The following OTOGL variants were observed in gnomAD, a reference collection of about 807,000 sequenced individuals.
The protein encoded by OTOGL is otogelin like.
Under a neutral mutation model 318.5 loss-of-function variants are expected in OTOGL, and 285 were observed. That is an observed-to-expected ratio of 0.89 (90% confidence interval 0.81 to 0.99). The LOEUF is 0.99. Ranked by LOEUF, OTOGL falls within the 50% of genes least tolerant of loss-of-function variation. OTOGL has a pLI of 0.00. For missense variants in OTOGL, 2,899 were observed against 2,845.6 expected, an observed-to-expected ratio of 1.02 and a Z score of -0.43; for synonymous variants, 987 against 936.5, an observed-to-expected ratio of 1.05 and a Z score of -0.99.
intron 56 of OTOGL, 53 bp downstream of exon 56, chr12:80,370,742 A>G (rs1387849720): frequency 2.3e-6 from 3 of 1,316,302 alleles, no homozygotes; most frequent in African/African-American, 1.5e-5. Context: ...TTTAGAAAAT[A>G]CACATTGATA....
intron 1 of OTOGL, among the ~76,000 whole-genome samples, chr12:80,200,887 G>A (rs939662907): frequency 2.6e-5 from 4 of 152,126 alleles, no homozygotes; most frequent in Non-Finnish European, 4.4e-5. Flanking sequence ...AAATGGCAGT[G>A]GTATGAATGA....
intron 43 of OTOGL, among the ~76,000 whole-genome samples, chr12:80,341,231 C>T (rs1344854346): frequency 6.6e-6 from 1 of 152,074 alleles, no homozygotes; most frequent in Non-Finnish European, 1.5e-5. Context: ...TGGCTTTTCT[C>T]AAGGTAAATA....
At position 80,137,989 on chromosome 12, in the gene OTOGL, T is replaced by C. The variant is rs1168832473; in HGVS notation, c.-20+38384T>C. ...ATAGACTTAACAGAAAAATTAAGAT[T>C]ACTGTATGTTCTGATGTTAGTACAA... On this transcript the variant is annotated intron_variant, in intron 1 of 58. Coordinates refer to ENST00000547103, the MANE Select transcript of OTOGL (RefSeq NM_001378609.3). 2.6e-5 allele frequency among the ~76,000 whole-genome samples: 4 copies of C among 152,324 alleles called. No homozygotes were observed. In the South Asian group the frequency reaches 8.3e-4, roughly 32 times the overall value.
intron 1 of OTOGL, among the ~76,000 whole-genome samples, chr12:80,140,063 A>T (rs1423781870): frequency 6.6e-6 from 1 of 152,136 alleles, no homozygotes; most frequent in Non-Finnish European, 1.5e-5. Context: ...CTCTTGTTAC[A>T]TTCAACAAAT....
At chr12:80,307,898 G>A (rs1473518681) in intron 29 of OTOGL, among the ~76,000 whole-genome samples, 6 of 135,598 alleles carry the variant, frequency 4.4e-5, no homozygotes, top group South Asian at 2.2e-4. Flanking sequence ...CCTCCCGGAC[G>A]GGGCGGCTGG....
At chr12:80,260,729 C>G (rs1389347524) in intron 18 of OTOGL, among the ~76,000 whole-genome samples, 1 of 152,068 alleles carries the variant, frequency 6.6e-6, no homozygotes, top group Non-Finnish European at 1.5e-5. Flanking sequence ...CACATTTTAG[C>G]TCTATTTTTA....
In OTOGL at chr12:80,358,709, TG is replaced by T; in HGVS notation, c.6161del (p.Cys2054LeufsTer5). On this transcript the variant is annotated frameshift_variant, in exon 51 of 59. Coordinates refer to ENST00000547103, the MANE Select transcript of OTOGL (RefSeq NM_001378609.3). LOFTEE classifies it high-confidence loss of function. ...CCTTTGTCCTATGCCATTACTCAAC[TG>T]TGCAGAAGATATGAATCTTGTGAAA... Reference protein sequence around the residue: ...PNLCPMPLLNCAEDMNLVKEN... With the variant: ...PNLCPMPLLNXAEDMNLVKEN... The T allele has an allele frequency of 6.2e-7, 1 of 1,613,258 alleles. No individual in the cohort carries two copies. The highest frequency in any genetic ancestry group is 8.5e-7 in the Non-Finnish European group (1 of 1,179,456).
chr12:80,257,448 A>G (rs1882154618), intron 17 of OTOGL, among the ~76,000 whole-genome samples: 2 of 152,042 alleles, frequency 1.3e-5, no homozygotes, highest in South Asian at 4.1e-4. Context: ...TAAGGCAGTG[A>G]TGATAGAGAT....
intron 4 of OTOGL, 100 bp from the exon 5 acceptor site, chr12:80,217,498 A>G: frequency 1.2e-6 from 1 of 803,884 alleles, no homozygotes; most frequent in Non-Finnish European, 2.0e-6. Flanking sequence ...GCACTTTATC[A>G]TTTCTGTATT....
chr12:80,175,527 A>G (rs902479707), intron 1 of OTOGL, among the ~76,000 whole-genome samples: 8 of 152,190 alleles, frequency 5.3e-5, no homozygotes, highest in African/African-American at 1.9e-4. Context: ...CAGAGCATAA[A>G]AGGAATAAGC....
intron 1 of OTOGL, among the ~76,000 whole-genome samples, chr12:80,106,470 CT>C: frequency 6.6e-6 from 1 of 152,274 alleles, no homozygotes; most frequent in East Asian, 1.9e-4. Flanking sequence ...TCCTGTTCCT[CT>C]TTTTTTCTTG....
At chr12:80,234,912 GA>G (rs779701704) in intron 9 of OTOGL, among the ~76,000 whole-genome samples, 1 of 152,132 alleles carries the variant, frequency 6.6e-6, no homozygotes, top group Non-Finnish European at 1.5e-5. Flanking sequence ...AAATGTAAAT[GA>G]AAGTGTTTAA....
chr12:80,150,016 G>C (rs1198294720), intron 1 of OTOGL, among the ~76,000 whole-genome samples: 1 of 152,194 alleles, frequency 6.6e-6, no homozygotes, highest in Non-Finnish European at 1.5e-5. Flanking sequence ...CCCATCTTCT[G>C]CGTCGCTCAC....
At chr12:80,358,565 A>C in intron 50 of OTOGL, 106 bp from the exon 51 acceptor site, 1 of 968,676 alleles carries the variant, frequency 1.0e-6, no homozygotes, top group Non-Finnish European at 1.5e-6. Flanking sequence ...AGCACTTGGG[A>C]AATATGAATC....
chr12:80,311,882 T>A (rs928292265), intron 30 of OTOGL, among the ~76,000 whole-genome samples: 1 of 152,204 alleles, frequency 6.6e-6, no homozygotes, highest in Non-Finnish European at 1.5e-5. Context: ...TTGATCTAGA[T>A]GGTGATATTA....
intron 46 of OTOGL, among the ~76,000 whole-genome samples, chr12:80,355,014 C>G (rs373901708): frequency 6.6e-6 from 1 of 152,006 alleles, no homozygotes; most frequent in African/African-American, 2.4e-5. Flanking sequence ...CTTGTTTTCT[C>G]ATCCCACTCA....
intron 29 of OTOGL, among the ~76,000 whole-genome samples, chr12:80,308,953 C>A (rs530394348): frequency 1.3e-5 from 2 of 149,900 alleles, no homozygotes; most frequent in Non-Finnish European, 3.0e-5. Flanking sequence ...AGAGGGAGAC[C>A]GTGGAAAGAG....
chr12:80,148,507 T>A (rs1291435887), intron 1 of OTOGL, among the ~76,000 whole-genome samples: 1 of 150,028 alleles, frequency 6.7e-6, no homozygotes. Context: ...CATTTCAACT[T>A]TGGTGAATCT....
chr12:80,290,098 A>T (rs1373332731), intron 26 of OTOGL, among the ~76,000 whole-genome samples: 1 of 152,186 alleles, frequency 6.6e-6, no homozygotes, highest in Non-Finnish European at 1.5e-5. Context: ...TCTGGGCTGG[A>T]TAGCACAGCC....
Sources: allele counts gnomAD v4.1 joint callset (sites outside exome capture counted in the v4.1 genomes callset), GRCh38; gene constraint gnomAD v4.1.1; transcripts MANE v1.5; gene names NCBI Gene and HGNC (gene_info 2026-07-23, HGNC 2026-07-21).